The following EPB41L4B variants were observed in gnomAD, a reference collection of about 807,000 sequenced individuals.
EPB41L4B encodes the protein band 4.1-like protein 4B.
In EPB41L4B, 30 loss-of-function variants were observed where a neutral mutation model predicts 112.5. The ratio of observed to expected loss-of-function variants is 0.27; its 90% confidence interval spans 0.20 to 0.36. EPB41L4B has a LOEUF of 0.36. EPB41L4B is among the 10% of genes least tolerant of loss of function. The probability of loss-of-function intolerance (pLI) is 1.00; values close to 1 mark genes in which losing one functional copy is unlikely to be tolerated. For missense variants in EPB41L4B, 1,024 were observed against 1,133.3 expected (o/e 0.90, Z 1.38); for synonymous variants, 408 against 439.7 (o/e 0.93, Z 0.90).
In EPB41L4B at chr9:109,255,493, G is replaced by A. The variant is rs777770998; in HGVS notation, c.1169+18C>T. ...TCCTTCAGAAGACGTGATCCGTGTTGCAGAAATGGCTCCCTACCTGAATCT... is the reference window on the plus strand; with the variant it reads ...TCCTTCAGAAGACGTGATCCGTGTTACAGAAATGGCTCCCTACCTGAATCT... On this transcript the variant is annotated intron_variant, in intron 11 of 25. Transcript: ENST00000374566. 1.9e-6 allele frequency: 3 copies of A among 1,611,806 alleles called. No homozygotes were observed. The African/African-American group carries it at 4.0e-5, about 22-fold the overall frequency.
chr9:109,312,860 G>C (rs551886161), intron 1 of EPB41L4B, among the ~76,000 whole-genome samples: 1 of 152,160 alleles, frequency 6.6e-6, no homozygotes, highest in South Asian at 2.1e-4. Context: ...TCTTCCACGC[G>C]TTTCCACCTG....
Position 109,297,210 on chromosome 9 carries a change from G to GA in EPB41L4B, c.307-17290dup, listed in dbSNP as rs147952834. Among the ~76,000 whole-genome samples the GA allele has an allele frequency of 5.8e-3, 813 of 140,326 alleles. 8 individuals carry two copies. The highest frequency in any genetic ancestry group is 0.02 in the African/African-American group (768 of 39,136). The allele number at this position is 140,326 out of a possible 152,430, so 92.1% of individuals were successfully genotyped here. ...AGAGGCAGCTGGGGGGGTGGGGGGGGATCTGCCAGCCAAGGAGAGAGGCTT... is the reference window on the plus strand; with the variant it reads ...AGAGGCAGCTGGGGGGGTGGGGGGGGAATCTGCCAGCCAAGGAGAGAGGCTT... On this transcript the variant is annotated intron_variant, in intron 1 of 25. Transcript: ENST00000374566.
chr9:109,237,052 T>G (rs145958561), intron 15 of EPB41L4B, among the ~76,000 whole-genome samples: 3 of 152,308 alleles, frequency 2.0e-5, no homozygotes, highest in African/African-American at 7.2e-5. Context: ...AGTTAAAAGC[T>G]GTAAAGTCAA....
At chr9:109,180,224 C>T (rs10816777) in intron 24 of EPB41L4B, among the ~76,000 whole-genome samples, 50,783 of 152,062 alleles carry the variant, frequency 0.33, 8,864 homozygotes, top group Middle Eastern at 0.43. Context: ...CAGCTGTCTT[C>T]GAGCCACTCT....
intron 18 of EPB41L4B, among the ~76,000 whole-genome samples, chr9:109,206,984 T>C (rs1217226112): frequency 2.0e-5 from 3 of 152,236 alleles, no homozygotes; most frequent in Non-Finnish European, 4.4e-5. Context: ...TCCAGCTGCA[T>C]GGTATCCACC....
At chr9:109,317,100 T>C (rs545455075) in intron 1 of EPB41L4B, among the ~76,000 whole-genome samples, 2 of 151,942 alleles carry the variant, frequency 1.3e-5, no homozygotes, top group East Asian at 1.9e-4. Context: ...TGAGACCCCA[T>C]ATCCAAAAAA....
intron 16 of EPB41L4B, among the ~76,000 whole-genome samples, chr9:109,214,945 T>G (rs574761319): frequency 6.6e-6 from 1 of 152,276 alleles, no homozygotes; most frequent in South Asian, 2.1e-4. Flanking sequence ...TATGGTTATT[T>G]AGATATACAA....
intron 2 of EPB41L4B, among the ~76,000 whole-genome samples, chr9:109,269,441 A>G (rs1377898738): frequency 6.6e-6 from 1 of 152,194 alleles, no homozygotes; most frequent in African/African-American, 2.4e-5. Context: ...AGTCTCAGCC[A>G]CTTAACTTCC....
chr9:109,220,701 C>G (rs1833542955), intron 15 of EPB41L4B, among the ~76,000 whole-genome samples: 1 of 152,172 alleles, frequency 6.6e-6, no homozygotes, highest in Admixed American at 6.5e-5. Flanking sequence ...CCCATCTTGG[C>G]TGCCTCCTGG....
chr9:109,288,114 T>C (rs779261131), intron 1 of EPB41L4B, among the ~76,000 whole-genome samples: 3 of 152,184 alleles, frequency 2.0e-5, no homozygotes, highest in Non-Finnish European at 2.9e-5. Context: ...GCCCCGTCAC[T>C]AGGGCTCTGC....
Position 109,255,579 on chromosome 9 carries a change from CA to C in EPB41L4B, c.1100del (p.Leu367ArgfsTer65). 6.2e-7 allele frequency: 1 copy of C among 1,614,214 alleles called. No individual in the cohort carries two copies. The highest frequency in any genetic ancestry group is 8.5e-7 in the Non-Finnish European group (1 of 1,180,040). On this transcript the variant is annotated frameshift_variant, in exon 11 of 26. Transcript: ENST00000374566. LOFTEE classifies it high-confidence loss of function. ...CAVEHHAFFR[L>X]RTPGNSKSNR... ...TGGATTTGCTGTTTCCTGGCGTCCG[CA>C]GTCGGAAGAATGCGTGGTGCTCAAC...
At chr9:109,277,934 T>A (rs1199159351) in intron 2 of EPB41L4B, among the ~76,000 whole-genome samples, 1 of 152,108 alleles carries the variant, frequency 6.6e-6, no homozygotes, top group Non-Finnish European at 1.5e-5. Flanking sequence ...CGAGAATCTA[T>A]GTGGGTCTTG....
chr9:109,228,848 G>A (rs1194255249), intron 15 of EPB41L4B, among the ~76,000 whole-genome samples: 1 of 152,102 alleles, frequency 6.6e-6, no homozygotes, highest in East Asian at 1.9e-4. Context: ...ATTACAAATT[G>A]TGGGTTCATC....
chr9:109,243,251 A>C (rs1483284715), intron 15 of EPB41L4B, among the ~76,000 whole-genome samples: 2 of 151,572 alleles, frequency 1.3e-5, no homozygotes, highest in African/African-American at 2.4e-5. Context: ...AAAAAAAAAA[A>C]AACCCCATGA....
chr9:109,227,184 TCTTAATTACTTTTGTTTTAATATATACA>T (rs1172369184), intron 15 of EPB41L4B, among the ~76,000 whole-genome samples: 2 of 152,150 alleles, frequency 1.3e-5, no homozygotes, highest in African/African-American at 4.8e-5. Context: ...TATCAGACTG[TCTTAATTACTTTTGTTTTAATATATACA>T]TGCATATGTG....
chr9:109,174,614 T>A lies in EPB41L4B; in HGVS notation c.2643A>T (p.Thr881=). Residue 881 remains threonine, a synonymous_variant, in exon 26 of 26, where the codon ACA becomes ACT. Coordinates refer to ENST00000374566, the MANE Select transcript of EPB41L4B (RefSeq NM_019114.5). ...KPVSLAASAE[T]LRQELEREKM... The stretch of plus-strand genomic sequence containing the variant: ...TCTCTCTCTCCAGTTCCTGCCGGAG[T>A]GTCTCTGCACTAAAAAAAAGTATGT... The A allele has an allele frequency of 1.2e-6, 2 of 1,614,026 alleles. No individual in the cohort carries two copies. The highest frequency in any genetic ancestry group is 1.7e-6 in the Non-Finnish European group (2 of 1,179,944).
At chr9:109,215,393 C>G (rs566621275) in intron 16 of EPB41L4B, among the ~76,000 whole-genome samples, 2 of 152,124 alleles carry the variant, frequency 1.3e-5, no homozygotes. Context: ...GATTCTCGTG[C>G]CTCGGCCTCC....
chr9:109,290,509 T>C (rs1179749407), intron 1 of EPB41L4B, among the ~76,000 whole-genome samples: 1 of 152,096 alleles, frequency 6.6e-6, no homozygotes, highest in Non-Finnish European at 1.5e-5. Context: ...TCCCAGTCCT[T>C]AAACACCCCT....
At chr9:109,245,531 G>A (rs1299420284) in intron 14 of EPB41L4B, among the ~76,000 whole-genome samples, 1 of 152,220 alleles carries the variant, frequency 6.6e-6, no homozygotes, top group African/African-American at 2.4e-5. Context: ...GCTTGTCATA[G>A]TAAGAGAGAA....
Sources: gnomAD v4.1 joint callset for allele counts (sites outside exome capture counted in the v4.1 genomes callset) on GRCh38, gnomAD v4.1.1 for gene constraint, MANE v1.5 for transcripts, NCBI Gene and HGNC (gene_info 2026-07-23, HGNC 2026-07-21) for gene names.